The following FGF21 variants were observed in gnomAD, a reference collection of about 807,000 sequenced individuals.
FGF21 encodes the protein fibroblast growth factor 21.
Under a neutral mutation model 13.4 loss-of-function variants are expected in FGF21, and 13 were observed. The observed-to-expected ratio is 0.97, with a 90% CI of 0.63 to 1.54. FGF21 has a LOEUF of 1.54. FGF21 is among the 40% of genes most tolerant of loss of function. The probability of loss-of-function intolerance (pLI) is 0.00; values close to 1 mark genes in which losing one functional copy is unlikely to be tolerated. For synonymous variants in FGF21, 124 were observed against 123.6 expected (o/e 1.00, Z -0.02); for missense variants, 303 against 272.4 (o/e 1.11, Z -0.79).
At position 48,758,065 on chromosome 19, in the gene FGF21, C is replaced by T. The variant is rs777100377; in HGVS notation, c.475C>T (p.Arg159Ter). ...GTCCCCACACCGGGACCCTGCACCC[C>T]GAGGACCAGCTCGCTTCCTGCCACT... ...NKSPHRDPAP[R>*]GPARFLPLPG... Residue 159 changes from arginine to a stop codon, truncating the protein, a stop_gained, in exon 4 of 4, where the codon CGA (arginine) becomes TGA (stop). Transcript: ENST00000593756. LOFTEE classifies it low-confidence loss of function (END_TRUNC). 2.5e-6 allele frequency: 4 copies of T among 1,612,956 alleles called. No individual in the cohort carries two copies. Among genetic ancestry groups the T allele is most frequent in the African/African-American group, 1.3e-5 (1 of 74,916 alleles).
Position 48,756,112 on chromosome 19 carries a change from G to C in FGF21, c.-125G>C. On this transcript the variant is annotated 5_prime_UTR_variant, in exon 2 of 4. Transcript: ENST00000593756. ...CTGTCAGCTGAGGATCCAGCCGAAA[G>C]AGGAGCCAGGCACTCAGGCCACCTG... The C allele has an allele frequency of 1.4e-6, 1 of 714,624 alleles. No homozygotes were observed. Among genetic ancestry groups the C allele is most frequent in the Admixed American group, 2.8e-5 (1 of 35,688 alleles). 44.3% of individuals were successfully genotyped at this position (714,624 alleles called of 1,614,324 possible).
In FGF21 at chr19:48,756,558, TGGCC is replaced by T. The variant is rs2034099908; in HGVS notation, c.235+88_235+91del. On this transcript the variant is annotated intron_variant, in intron 2 of 3. Transcript: ENST00000593756. ...CTGAGGGAGGAGGGGCTGGGGGCCT[TGGCC>T]CCTGGGTCTGAGGGAGGAGGGGCTG... is the stretch of plus-strand genomic sequence containing the variant. 1.0e-5 allele frequency: 12 copies of T among 1,174,866 alleles called. 1 individual carries two copies. In the South Asian group the frequency reaches 1.1e-4, roughly 10 times the overall value. The allele number at this position is 1,174,866 out of a possible 1,614,324, so 72.8% of individuals were successfully genotyped here. A position where few individuals can be genotyped will look rare whatever the true frequency, so the allele number is the denominator to read the frequency against.
At chr19:48,757,394 A>G (rs1459298639) in intron 3 of FGF21, among the ~76,000 whole-genome samples, 1 of 152,150 alleles carries the variant, frequency 6.6e-6, no homozygotes, top group African/African-American at 2.4e-5. Context: ...CAGTAAAGTG[A>G]CCAGGACCTT....
rs774822193 is a variant in FGF21 at position 48,756,396 on chromosome 19, G to A, written c.160G>A (p.Ala54Thr). The A allele has an allele frequency of 2.5e-6, 4 of 1,613,880 alleles. No individual in the cohort carries two copies. The highest frequency in any genetic ancestry group is 4.5e-5 in the East Asian group (2 of 44,900). ...VRQRYLYTDD[A>T]QQTEAHLEIR... ...GCAGCGGTACCTCTACACAGATGAT[G>A]CCCAGCAGACAGAAGCCCACCTGGA... is the stretch of plus-strand genomic sequence containing the variant. The change falls in exon 2 of 4, where the codon GCC becomes ACC. Residue 54 changes from alanine to threonine, a missense_variant. Transcript: ENST00000593756.
At chr19:48,757,726 C>T (rs529095661) in intron 3 of FGF21, among the ~76,000 whole-genome samples, 22 of 135,246 alleles carry the variant, frequency 1.6e-4, no homozygotes, top group South Asian at 1.2e-3. Context: ...CCTGGAACCC[C>T]GGGTCTGAGG....
intron 3 of FGF21, among the ~76,000 whole-genome samples, chr19:48,757,355 G>C (rs2034122547): frequency 6.6e-6 from 1 of 152,176 alleles, no homozygotes; most frequent in Admixed American, 6.5e-5. Context: ...GCTCATGCTG[G>C]GCACAGGGAC....
chr19:48,756,781 C>A (rs888229672), intron 2 of FGF21, 145 bp from the exon 3 acceptor site: 1 of 730,174 alleles, frequency 1.4e-6, no homozygotes, highest in Non-Finnish European at 2.4e-6. Flanking sequence ...TTGGCTTGGG[C>A]TTCTCCTGGG....
At position 48,757,120 on chromosome 19, in the gene FGF21, C is replaced by G. The variant is rs568275036; in HGVS notation, c.339+91C>G. 7.7e-6 allele frequency: 7 copies of G among 910,688 alleles called. No homozygotes were observed. The East Asian group carries it at 9.8e-5, about 13-fold the overall frequency. 56.4% of individuals were successfully genotyped at this position (910,688 alleles called of 1,614,324 possible). A position where few individuals can be genotyped will look rare whatever the true frequency, so the allele number is the denominator to read the frequency against. On this transcript the variant is annotated intron_variant, in intron 3 of 3. Coordinates refer to ENST00000593756, the MANE Select transcript of FGF21 (RefSeq NM_019113.4). ...GGTGCCTTGTCTTGCTCATCCCCCC[C>G]GGAGCCAGACTTGATTCTATTTGCT...
At position 48,757,928 on chromosome 19, in the gene FGF21, A is replaced by G; in HGVS notation, c.340-2A>G. ...GTCTCTGATCCTGTTTTTGTCCCCT[A>G]GCTCCACTTTGACCCTGAGGCCTGC... On this transcript the variant is annotated splice_acceptor_variant, in intron 3 of 3. Transcript: ENST00000593756. LOFTEE classifies it high-confidence loss of function. 1 of 1,543,116 alleles carries G rather than the reference A, an allele frequency of 6.5e-7. No homozygotes were observed. Among genetic ancestry groups the G allele is most frequent in the Middle Eastern group, 1.9e-4 (1 of 5,308 alleles).
chr19:48,756,468 G>T lies in FGF21; in HGVS notation c.232G>T (p.Glu78Ter). Residue 78 changes from glutamate to a stop codon, truncating the protein, a stop_gained, in exon 2 of 4, where the codon GAA becomes TAA. Transcript: ENST00000593756. LOFTEE classifies it high-confidence loss of function. ...TVGGAADQSP[E>*]SLLQLKALKP... is the part of the protein sequence containing the mutation. Reference sequence around the variant, plus strand: ...GGGGGGCGCTGCTGACCAGAGCCCCGAAAGTGAGTGTGGGCCAGAGCCTGG... The same window carrying T: ...GGGGGGCGCTGCTGACCAGAGCCCCTAAAGTGAGTGTGGGCCAGAGCCTGG... 3 of 1,611,564 alleles carry T rather than the reference G, an allele frequency of 1.9e-6. No homozygotes were observed. The highest frequency in any genetic ancestry group is 1.7e-6 in the Non-Finnish European group (2 of 1,179,364).
At chr19:48,756,807 A>G in intron 2 of FGF21, 119 bp from the exon 3 acceptor site, 1 of 803,476 alleles carries the variant, frequency 1.2e-6, no homozygotes, top group South Asian at 1.6e-5. Flanking sequence ...GGGAGGAGGT[A>G]GGCTGTGGGC....
In FGF21 at chr19:48,756,347, C is replaced by G; in HGVS notation, c.111C>G (p.Leu37=). 1 of 1,614,096 alleles carries G rather than the reference C, an allele frequency of 6.2e-7. No homozygotes were observed. The highest frequency in any genetic ancestry group is 8.5e-7 in the Non-Finnish European group (1 of 1,180,038). Residue 37 remains leucine (L), a synonymous_variant, in exon 2 of 4, where the codon CTC becomes CTG. Transcript: ENST00000593756. ...ACCCCATCCCTGACTCCAGTCCTCT[C>G]CTGCAATTCGGGGGCCAAGTCCGGC... is the stretch of plus-strand genomic sequence containing the variant. The part of the protein sequence containing the change: ...QAHPIPDSSP[L]LQFGGQVRQR...
Position 48,756,472 on chromosome 19 carries a change from G to A in FGF21, c.235+1G>A. ...GGCGCTGCTGACCAGAGCCCCGAAA[G>A]TGAGTGTGGGCCAGAGCCTGGGTCT... is the stretch of plus-strand genomic sequence containing the variant. On this transcript the variant is annotated splice_donor_variant, in intron 2 of 3. Transcript: ENST00000593756. LOFTEE classifies it high-confidence loss of function. 1.2e-6 allele frequency: 2 copies of A among 1,611,480 alleles called. No individual in the cohort carries two copies. The highest frequency in any genetic ancestry group is 1.7e-6 in the Non-Finnish European group (2 of 1,179,352).
rs2034139402 is a variant in FGF21 at position 48,758,037 on chromosome 19, C to T, written c.447C>T (p.Asn149=). Residue 149 remains asparagine, a synonymous_variant, in exon 4 of 4, where the codon AAC becomes AAT. Coordinates refer to ENST00000593756, the MANE Select transcript of FGF21 (RefSeq NM_019113.4). Reference sequence around the variant, plus strand: ...GCCTCCCGCTGCACCTGCCAGGGAACAAGTCCCCACACCGGGACCCTGCAC... The same window carrying T: ...GCCTCCCGCTGCACCTGCCAGGGAATAAGTCCCCACACCGGGACCCTGCAC... ...AHGLPLHLPG[N]KSPHRDPAPR... is the part of the protein sequence containing the mutation. 6.2e-7 allele frequency: 1 copy of T among 1,613,346 alleles called. No individual in the cohort carries two copies. The highest frequency in any genetic ancestry group is 1.3e-5 in the African/African-American group (1 of 74,898).
chr19:48,757,505 G>A (rs1382868242), intron 3 of FGF21, among the ~76,000 whole-genome samples: 1 of 152,210 alleles, frequency 6.6e-6, no homozygotes, highest in Non-Finnish European at 1.5e-5. Context: ...GGTCCCTGCA[G>A]GAGAGCCCTG....
chr19:48,757,080 G>T (rs748376578), intron 3 of FGF21, 51 bp downstream of exon 3: 1 of 1,402,800 alleles, frequency 7.1e-7, no homozygotes. Context: ...CCTATATGTC[G>T]CCCTCACAGC....
rs1698114 is a variant in FGF21, at chr19:48,756,597, A to G, written c.235+126A>G. On this transcript the variant is annotated intron_variant, in intron 2 of 3. Coordinates refer to ENST00000593756, the MANE Select transcript of FGF21 (RefSeq NM_019113.4). The stretch of plus-strand genomic sequence containing the variant: ...GAGGGAGGAGGGGCTGGGGATCTGG[A>G]CTCCTGGGTCTGAGGGAGGAGGGGC... 1,161 of 193,826 alleles carry G rather than the reference A, an allele frequency of 6.0e-3. 128 individuals carry two copies. The highest frequency in any genetic ancestry group is 0.051 in the East Asian group (42 of 818). 12.0% of individuals were successfully genotyped at this position (193,826 alleles called of 1,614,324 possible). A position where few individuals can be genotyped will look rare whatever the true frequency, so the allele number is the denominator to read the frequency against.
Position 48,758,100 on chromosome 19 carries a change from G to A in FGF21, c.510G>A (p.Leu170=). Residue 170 remains leucine, a synonymous_variant, in exon 4 of 4, where the codon CTG becomes CTA. Coordinates refer to ENST00000593756, the MANE Select transcript of FGF21 (RefSeq NM_019113.4). ...CTCGCTTCCTGCCACTACCAGGCCT[G>A]CCCCCCGCACTCCCGGAGCCACCCG... ...GPARFLPLPG[L]PPALPEPPGI... 1 of 1,611,042 alleles carries A rather than the reference G, an allele frequency of 6.2e-7. No individual in the cohort carries two copies.
intron 2 of FGF21, 117 bp downstream of exon 2, chr19:48,756,588 G>T (rs111333332): frequency 4.5e-5 from 12 of 266,790 alleles, no homozygotes; most frequent in South Asian, 4.3e-4. Flanking sequence ...GGAGGGGCTG[G>T]GGATCTGGAC....
Sources: allele counts gnomAD v4.1 joint callset (sites outside exome capture counted in the v4.1 genomes callset), GRCh38; gene constraint gnomAD v4.1.1; transcripts MANE v1.5; gene names NCBI Gene and HGNC (gene_info 2026-07-23, HGNC 2026-07-21).